Variants in TNN observed in about 807,000 individuals in gnomAD.
TNN encodes tenascin-N.
A neutral mutation model predicts 134.4 loss-of-function variants in TNN; 122 were observed. The observed-to-expected ratio is 0.91, with a 90% CI of 0.78 to 1.06. The LOEUF (loss-of-function observed/expected upper bound fraction) is 1.06, where lower values mean the gene tolerates loss of function less well. Ranked by LOEUF, TNN falls within the 50% of genes least tolerant of loss-of-function variation. The probability of loss-of-function intolerance (pLI) is 0.00; values close to 1 mark genes in which losing one functional copy is unlikely to be tolerated. For missense variants in TNN, 1,739 were observed against 1,699.4 expected (o/e 1.02, Z -0.41); for synonymous variants, 710 against 670.3 (o/e 1.06, Z -0.91).
chr1:175,074,554 A>G (rs1273438877), intron 1 of TNN, among the ~76,000 whole-genome samples: 1 of 151,884 alleles, frequency 6.6e-6, no homozygotes, highest in Non-Finnish European at 1.5e-5. Context: ...TCACAAGACA[A>G]CAAGAAGTGT....
At chr1:175,127,117 C>G (rs535349388) in intron 13 of TNN, 32 bp downstream of exon 13, 1 of 1,604,012 alleles carries the variant, frequency 6.2e-7, no homozygotes, top group Non-Finnish European at 8.5e-7. Flanking sequence ...TCTCCTGGTG[C>G]CTTCTCTTCT....
At chr1:175,097,320 A>G in intron 7 of TNN, 97 bp from the exon 8 acceptor site, 1 of 1,468,442 alleles carries the variant, frequency 6.8e-7, no homozygotes, top group African/African-American at 1.4e-5. Context: ...AGAGACTCTG[A>G]CATTTGTTGA....
rs1316170349 is a variant in TNN, at chr1:175,098,649, T to C, written c.2119+54T>C. The C allele has an allele frequency of 8.7e-6, 14 of 1,608,214 alleles. No individual in the cohort carries two copies. The East Asian group carries it at 3.1e-4, about 36-fold the overall frequency. On this transcript the variant is annotated intron_variant, in intron 9 of 18. Transcript: ENST00000239462. ...ATGCCATGCTCAGGGTCTGTCTACA[T>C]GGGGTTTTCTTCTCTGACCTTGGCA... is the stretch of plus-strand genomic sequence containing the variant.
At chr1:175,121,899 T>A (rs1675386254) in intron 11 of TNN, among the ~76,000 whole-genome samples, 1 of 152,244 alleles carries the variant, frequency 6.6e-6, no homozygotes, top group Non-Finnish European at 1.5e-5. Flanking sequence ...CCTTGGTTAA[T>A]TGAGTGATTC....
At position 175,094,239 on chromosome 1, in the gene TNN, C is replaced by G. The variant is rs767715016; in HGVS notation, c.1574C>G (p.Thr525Ser). The change falls in exon 7 of 19, where the codon ACC becomes AGC. Residue 525 changes from threonine to serine, a missense_variant. Coordinates refer to ENST00000239462, the MANE Select transcript of TNN (RefSeq NM_022093.2). ...RGNQGSKKAD[T>S]NALTEIDSPA... ...AACCAGGGGAGCAAGAAAGCTGACA[C>G]CAATGCCCTCACAGGTAACAGAAGG... is the stretch of plus-strand genomic sequence containing the variant. 1.2e-5 allele frequency: 20 copies of G among 1,602,592 alleles called. No homozygotes were observed. The Middle Eastern group carries it at 2.8e-3, about 227-fold the overall frequency.
intron 12 of TNN, among the ~76,000 whole-genome samples, chr1:175,124,108 T>C (rs1675451456): frequency 6.6e-6 from 1 of 152,156 alleles, no homozygotes; most frequent in South Asian, 2.1e-4. Flanking sequence ...GGGCCTCTGA[T>C]CTTGGCAGAG....
At position 175,140,278 on chromosome 1, in the gene TNN, G is replaced by A. The variant is rs1026463340; in HGVS notation, c.3595+3290G>A. Among the ~76,000 whole-genome samples, 110 of 152,290 alleles carry A rather than the reference G, an allele frequency of 7.2e-4. 2 individuals carry two copies. Among genetic ancestry groups the A allele is most frequent in the African/African-American group, 2.5e-3 (103 of 41,550 alleles). On this transcript the variant is annotated intron_variant, in intron 17 of 18. Transcript: ENST00000239462. ...TTGTCTGCTCTTGATCATGGCCATC[G>A]GTTAGCCTCAGCCTTTCCTTCTCAG...
intron 4 of TNN, among the ~76,000 whole-genome samples, chr1:175,082,894 A>G (rs1169164514): frequency 6.6e-6 from 1 of 152,114 alleles, no homozygotes; most frequent in South Asian, 2.1e-4. Flanking sequence ...GTGCTTCTCA[A>G]AGACCCTAGT....
Position 175,083,273 on chromosome 1 carries a change from C to A in TNN, c.1049-477C>A, listed in dbSNP as rs184687154. On this transcript the variant is annotated intron_variant, in intron 4 of 18. Coordinates refer to ENST00000239462, the MANE Select transcript of TNN (RefSeq NM_022093.2). Reference sequence around the variant, plus strand: ...ATGGAGGAAGGAGCTTGTTGGATTACCAATGTTGTCCTTGAGAAAGTTTGA... The same window carrying A: ...ATGGAGGAAGGAGCTTGTTGGATTAACAATGTTGTCCTTGAGAAAGTTTGA... Among the ~76,000 whole-genome samples the A allele has an allele frequency of 2.0e-5, 3 of 152,308 alleles. No individual in the cohort carries two copies. The East Asian group carries it at 5.8e-4, about 29-fold the overall frequency.
At chr1:175,125,703 CTCTT>C (rs1173340653) in intron 12 of TNN, among the ~76,000 whole-genome samples, 5,068 of 65,372 alleles carry the variant, frequency 0.078, 151 homozygotes, top group South Asian at 0.13. Flanking sequence ...TCTTTTTTCT[CTCTT>C]TCTTTCTTTC....
At chr1:175,132,765 T>G (rs1675706770) in intron 15 of TNN, among the ~76,000 whole-genome samples, 1 of 152,118 alleles carries the variant, frequency 6.6e-6, no homozygotes, top group African/African-American at 2.4e-5. Context: ...TGACTTGGAG[T>G]CTGGAGCCTT....
At chr1:175,132,863 C>A (rs1675709386) in intron 15 of TNN, among the ~76,000 whole-genome samples, 1 of 152,236 alleles carries the variant, frequency 6.6e-6, no homozygotes, top group Non-Finnish European at 1.5e-5. Flanking sequence ...GTGGAGCTTT[C>A]AGCATTGCTG....
intron 9 of TNN, among the ~76,000 whole-genome samples, chr1:175,105,391 G>C (rs868133100): frequency 6.9e-6 from 1 of 145,324 alleles, no homozygotes; most frequent in African/African-American, 2.5e-5. Flanking sequence ...AGATTTCTTT[G>C]CTTATTTCCT....
rs1676096883 is a variant in TNN at position 175,147,368 on chromosome 1, A to T, written c.*297A>T. On this transcript the variant is annotated 3_prime_UTR_variant, in exon 19 of 19. Transcript: ENST00000239462. ...ATACTGGATTAGGGCAAGAGAAGGA[A>T]TCACCCAGCACTTCACCAGTTGGAA... 1 of 275,984 alleles carries T rather than the reference A, an allele frequency of 3.6e-6. No homozygotes were observed. Among genetic ancestry groups the T allele is most frequent in the Non-Finnish European group, 6.7e-6 (1 of 149,150 alleles). The allele number at this position is 275,984 out of a possible 1,614,324, so 17.1% of individuals were successfully genotyped here. A position where few individuals can be genotyped will look rare whatever the true frequency, so the allele number is the denominator to read the frequency against.
At position 175,085,490 on chromosome 1, in the gene TNN, G is replaced by C; in HGVS notation, c.1320G>C (p.Arg440Ser). The change falls in exon 6 of 19, where the codon AGG becomes AGC. Residue 440 changes from arginine (R) to serine (S), a missense_variant. Physicochemically the swap from Arg to Ser is moderately radical, Grantham distance 110 (BLOSUM62 -1). Transcript: ENST00000239462. ...LEGKPILLNG[R>S]TEIDSPTNVV... is the part of the protein sequence containing the mutation. ...GCAAGCCGATCCTCCTGAATGGCAG[G>C]ACAGGTGAGAGCTACTTGGAGGCAC... 6.2e-7 allele frequency: 1 copy of C among 1,608,296 alleles called. No individual in the cohort carries two copies. Among genetic ancestry groups the C allele is most frequent in the South Asian group, 1.1e-5 (1 of 90,492 alleles).
chr1:175,137,363 A>AATGTGT (rs1553320241), intron 17 of TNN, among the ~76,000 whole-genome samples: 1 of 62,606 alleles, frequency 1.6e-5, no homozygotes, highest in Non-Finnish European at 4.2e-5. Flanking sequence ...TCTGCACAGT[A>AATGTGT]GTGTGTGTGT....
At chr1:175,068,202 G>T (rs553820293) in intron 1 of TNN, among the ~76,000 whole-genome samples, 1 of 152,258 alleles carries the variant, frequency 6.6e-6, no homozygotes, top group Non-Finnish European at 1.5e-5. Flanking sequence ...ATGCGTCTGT[G>T]TTGTATCAGC....
chr1:175,077,309 A>T, intron 1 of TNN, 75 bp from the exon 2 acceptor site: 1 of 1,169,350 alleles, frequency 8.6e-7, no homozygotes, highest in Non-Finnish European at 1.2e-6. Flanking sequence ...TTGGGCTCTT[A>T]GAATCTGGTA....
chr1:175,134,022 A>C (rs1675737033), intron 15 of TNN, among the ~76,000 whole-genome samples: 1 of 152,174 alleles, frequency 6.6e-6, no homozygotes, highest in South Asian at 2.1e-4. Flanking sequence ...ACTTAAATGC[A>C]AGGGAAGCTG....
Sources: allele counts gnomAD v4.1 joint callset (sites outside exome capture counted in the v4.1 genomes callset), GRCh38; gene constraint gnomAD v4.1.1; transcripts MANE v1.5; gene names NCBI Gene and HGNC (gene_info 2026-07-23, HGNC 2026-07-21).